MYOM1: variants seen among roughly 807,000 people sequenced by gnomAD.
MYOM1 encodes the protein myomesin 1.
A neutral mutation model predicts 205.3 loss-of-function variants in MYOM1; 164 were observed. The observed-to-expected ratio is 0.80, with a 90% CI of 0.70 to 0.91. MYOM1 has a LOEUF of 0.91. Among genes scored for constraint, MYOM1 ranks in the 40% least tolerant of loss-of-function variants. MYOM1 has a pLI of 0.00. For missense variants in MYOM1, 2,011 were observed against 2,127.3 expected (o/e 0.95, Z 1.08); for synonymous variants, 772 against 789.4 (o/e 0.98, Z 0.37).
chr18:3,243,103 T>C, the MYOM1 span, among the ~76,000 whole-genome samples: 5 of 152,202 alleles, frequency 3.3e-5, no homozygotes, highest in East Asian at 9.6e-4. Context: ...TAAAAAGCAA[T>C]TCTTTATATA....
chr18:3,182,628 T>C (rs1202799611), intron 5 of MYOM1, among the ~76,000 whole-genome samples: 1 of 152,088 alleles, frequency 6.6e-6, no homozygotes, highest in Non-Finnish European at 1.5e-5. Context: ...TTGACAAGGC[T>C]CCCCCTCAGG....
the MYOM1 span, among the ~76,000 whole-genome samples, chr18:3,232,632 G>C: frequency 6.6e-6 from 1 of 152,146 alleles, no homozygotes; most frequent in East Asian, 1.9e-4. Context: ...TAATACATTA[G>C]TTAAAGCCAT....
intron 34 of MYOM1, among the ~76,000 whole-genome samples, chr18:3,076,250 TAG>T (rs1277676483): frequency 6.6e-6 from 1 of 152,094 alleles, no homozygotes; most frequent in Non-Finnish European, 1.5e-5. Context: ...GTGTTTTTAG[TAG>T]ATACGGGGTT....
intron 2 of MYOM1, among the ~76,000 whole-genome samples, chr18:3,195,009 C>A (rs1257461899): frequency 6.6e-6 from 1 of 152,120 alleles, no homozygotes; most frequent in Non-Finnish European, 1.5e-5. Context: ...AGCCAAGCTG[C>A]CCAGTTGAAA....
At chr18:3,229,895 G>C in the MYOM1 span, among the ~76,000 whole-genome samples, 1 of 138,802 alleles carries the variant, frequency 7.2e-6, no homozygotes, top group East Asian at 2.2e-4. Context: ...AGAATCAGTT[G>C]AACCCAGGAG....
intron 2 of MYOM1, among the ~76,000 whole-genome samples, chr18:3,199,421 T>C (rs1038052758): frequency 3.9e-5 from 6 of 152,146 alleles, no homozygotes; most frequent in African/African-American, 1.4e-4. Flanking sequence ...TCCATACATA[T>C]ATGTGTGGGA....
intron 2 of MYOM1, among the ~76,000 whole-genome samples, chr18:3,198,222 T>C (rs985724700): frequency 6.6e-6 from 1 of 152,220 alleles, no homozygotes; most frequent in African/African-American, 2.4e-5. Context: ...ATCTGCTTAA[T>C]GGCTATGTTA....
chr18:3,180,125 A>C (rs1002280042), intron 5 of MYOM1, among the ~76,000 whole-genome samples: 14 of 152,218 alleles, frequency 9.2e-5, no homozygotes, highest in African/African-American at 3.4e-4. Context: ...GCAAGACTCC[A>C]TGACTGTAAA....
In MYOM1 at chr18:3,131,494, A is replaced by C; in HGVS notation, c.2387T>G (p.Phe796Cys). 6.2e-7 allele frequency: 1 copy of C among 1,610,328 alleles called. No individual in the cohort carries two copies. Among genetic ancestry groups the C allele is most frequent in the East Asian group, 2.2e-5 (1 of 44,860 alleles). ...ACCAGTCACTAATCCATGACAAGTG[A>C]ATCTAAAAGGAAAACAAGTTTTAAA... ...CNNNPVKGSR[F>C]TCHGLVTGQS... The change falls in exon 17 of 38, where the codon TTC (phenylalanine) becomes TGC (cysteine). Residue 796 changes from phenylalanine to cysteine, a missense_variant and splice_region_variant. Physicochemically the swap from Phe to Cys is radical, Grantham distance 205. Coordinates refer to ENST00000356443, the MANE Select transcript of MYOM1 (RefSeq NM_003803.4).
At chr18:3,164,203 G>T in intron 10 of MYOM1, 75 bp downstream of exon 10, 1 of 1,464,974 alleles carries the variant, frequency 6.8e-7, no homozygotes, top group Non-Finnish European at 9.3e-7. Context: ...TGTTTGAACT[G>T]TTTTGTAATC....
At chr18:3,184,440 C>T (rs1440854136) in intron 5 of MYOM1, among the ~76,000 whole-genome samples, 1 of 152,194 alleles carries the variant, frequency 6.6e-6, no homozygotes, top group Non-Finnish European at 1.5e-5. Context: ...TGACCCTGAC[C>T]CTGTTTACTG....
At chr18:3,229,744 C>A in the MYOM1 span, among the ~76,000 whole-genome samples, 2 of 152,010 alleles carry the variant, frequency 1.3e-5, no homozygotes, top group Non-Finnish European at 2.9e-5. Context: ...TCAAGGCATG[C>A]GGATCACCTG....
At chr18:3,163,034 C>CAA (rs58732919) in intron 10 of MYOM1, among the ~76,000 whole-genome samples, 1 of 130,536 alleles carries the variant, frequency 7.7e-6, no homozygotes, top group Non-Finnish European at 1.7e-5. Context: ...CTCAAAAAAA[C>CAA]AAAAAAAAAC....
chr18:3,185,674 TG>T (rs2080799631), intron 5 of MYOM1, among the ~76,000 whole-genome samples: 2 of 152,178 alleles, frequency 1.3e-5, no homozygotes, highest in African/African-American at 4.8e-5. Flanking sequence ...TTTTAAAGCT[TG>T]TAAATTGATT....
intron 36 of MYOM1, among the ~76,000 whole-genome samples, chr18:3,072,439 C>T (rs1261393082): frequency 2.8e-5 from 4 of 144,828 alleles, no homozygotes; most frequent in African/African-American, 7.9e-5. Flanking sequence ...CTGCGACCTC[C>T]GCCTCCCAGG....
intron 13 of MYOM1, among the ~76,000 whole-genome samples, chr18:3,148,915 T>C (rs6506072): frequency 6.6e-6 from 1 of 150,842 alleles, no homozygotes; most frequent in African/African-American, 2.4e-5. Context: ...GTGTAAAATT[T>C]ATCAAATTGT....
chr18:3,095,184 G>A (rs2079284665), intron 25 of MYOM1, among the ~76,000 whole-genome samples: 1 of 151,942 alleles, frequency 6.6e-6, no homozygotes, highest in Non-Finnish European at 1.5e-5. Context: ...TGGAGAGAAG[G>A]TGGGCTTTGG....
intron 14 of MYOM1, among the ~76,000 whole-genome samples, chr18:3,136,179 G>A (rs1337519760): frequency 3.3e-5 from 5 of 151,992 alleles, no homozygotes; most frequent in Admixed American, 6.5e-5. Flanking sequence ...TGATTGTGAG[G>A]CCTCCCCAGC....
At chr18:3,225,194 A>G in the MYOM1 span, among the ~76,000 whole-genome samples, 4 of 147,296 alleles carry the variant, frequency 2.7e-5, no homozygotes, top group Admixed American at 6.8e-5. Flanking sequence ...TCACCGTGTT[A>G]GCCAGGATGG....
Sources: allele counts gnomAD v4.1 joint callset (sites outside exome capture counted in the v4.1 genomes callset), GRCh38; gene constraint gnomAD v4.1.1; transcripts MANE v1.5; gene names NCBI Gene and HGNC (gene_info 2026-07-23, HGNC 2026-07-21).